SLC4A2: variants seen among roughly 807,000 people sequenced by gnomAD.
SLC4A2 encodes anion exchange protein 2.
A neutral mutation model predicts 115.0 loss-of-function variants in SLC4A2; 36 were observed. The ratio of observed to expected loss-of-function variants is 0.31; its 90% CI spans 0.24 to 0.41. SLC4A2 has a LOEUF of 0.41. SLC4A2 is among the 10% of genes least tolerant of loss of function. SLC4A2 has a pLI of 1.00. For synonymous variants in SLC4A2, 708 were observed against 708.3 expected (o/e 1.00, Z 0.01); for missense variants, 1,252 against 1,705.6 (o/e 0.73, Z 4.68).
rs2150364022 is a variant in SLC4A2 at position 151,060,104 on chromosome 7, C to T, written c.-64+342C>T. On this transcript the variant is annotated intron_variant, in intron 1 of 22. Coordinates refer to ENST00000413384, the MANE Select transcript of SLC4A2 (RefSeq NM_003040.4). The surrounding 1 kb of genome is among the most constrained non-coding windows in gnomAD (Gnocchi z 5.9). ...CTCCCCTCCGGCCCCCCCGCATAGT[C>T]CTTCAGTCCCGTCCGGGGCGCCCAG... The T allele has an allele frequency of 6.6e-6, 1 of 152,306 alleles. No individual in the cohort carries two copies. Among genetic ancestry groups the T allele is most frequent in the South Asian group, 2.1e-4 (1 of 4,826 alleles). 9.4% of individuals were successfully genotyped at this position (152,306 alleles called of 1,614,324 possible).
chr7:151,067,802 C>G, intron 7 of SLC4A2, 72 bp from the exon 8 acceptor site: 1 of 1,374,440 alleles, frequency 7.3e-7, no homozygotes, highest in Non-Finnish European at 1.0e-6. Context: ...TCTGACACCA[C>G]TCACCTCTGA....
chr7:151,066,548 G>A lies in SLC4A2; in HGVS notation c.610G>A (p.Val204Met). 1 of 1,537,282 alleles carries A rather than the reference G, an allele frequency of 6.5e-7. No homozygotes were observed. The highest frequency in any genetic ancestry group is 8.8e-7 in the Non-Finnish European group (1 of 1,141,828). ...GGTGGAGGAGGCGGAGGCGGAGGCG[G>A]TGGCGGTGGCCAGTGGCACTGCAGG... ...TQVEEAEAEA[V>M]AVASGTAGGD... is the part of the protein sequence containing the mutation. Residue 204 changes from valine to methionine, a missense_variant, in exon 6 of 23, where the codon GTG becomes ATG. By Grantham distance (21) the Val-to-Met change is conservative. This residue lies in a region of SLC4A2 where 215 missense variants were observed against 205.2 expected (regional missense o/e 1.05). Transcript: ENST00000413384.
chr7:151,062,668 G>C (rs1279008822), intron 2 of SLC4A2: 1 of 1,519,264 alleles, frequency 6.6e-7, no homozygotes, highest in Non-Finnish European at 8.8e-7. Flanking sequence ...CCTCAGGTGC[G>C]AGGGGTCTGC....
At chr7:151,065,574 T>A (rs547496811) in intron 5 of SLC4A2, among the ~76,000 whole-genome samples, 1 of 152,256 alleles carries the variant, frequency 6.6e-6, no homozygotes, top group South Asian at 2.1e-4. Flanking sequence ...GGTCTCAAGG[T>A]CACTACTATC....
In SLC4A2 at chr7:151,074,753, A is replaced by G; in HGVS notation, c.2959A>G (p.Ser987Gly). The G allele has an allele frequency of 1.2e-6, 2 of 1,613,444 alleles. No individual in the cohort carries two copies. The highest frequency in any genetic ancestry group is 1.7e-6 in the Non-Finnish European group (2 of 1,179,830). Reference sequence around the variant, plus strand: ...GGTCATCAACCCCCTGGGAGAGAAGAGCCCCTTCCCTGTGTGGATGATGGT... The same window carrying G: ...GGTCATCAACCCCCTGGGAGAGAAGGGCCCCTTCCCTGTGTGGATGATGGT... ...GWVINPLGEK[S>G]PFPVWMMVAS... The change falls in exon 19 of 23, where the codon AGC (serine) becomes GGC (glycine). Residue 987 changes from serine to glycine, a missense_variant. Ser to Gly is a moderately conservative substitution (Grantham distance 56). This residue lies in a region of SLC4A2 where 253 missense variants were observed against 407.4 expected (regional missense o/e 0.62). Coordinates refer to ENST00000413384, the MANE Select transcript of SLC4A2 (RefSeq NM_003040.4).
At chr7:151,063,205 G>C (rs1563339974) in intron 2 of SLC4A2, 6 of 1,384,720 alleles carry the variant, frequency 4.3e-6, no homozygotes, top group Non-Finnish European at 4.7e-6. Flanking sequence ...GGCTGTGGGG[G>C]TGGGGTGAGG....
At chr7:151,073,947 C>G (rs1267020994) in intron 16 of SLC4A2, 92 bp from the exon 17 acceptor site, 2 of 1,376,766 alleles carry the variant, frequency 1.5e-6, no homozygotes, top group Admixed American at 2.3e-5. Flanking sequence ...CAGCCTTTCC[C>G]CTGCCCCACC....
intron 2 of SLC4A2, chr7:151,062,964 G>C (rs1797102764): frequency 7.1e-7 from 1 of 1,408,700 alleles, no homozygotes; most frequent in African/African-American, 1.5e-5. Flanking sequence ...CGCTATGGAG[G>C]GGGCTGCATA....
At chr7:151,066,097 TGCCAGGGG>T (rs1563345484) in intron 5 of SLC4A2, among the ~76,000 whole-genome samples, 2 of 152,130 alleles carry the variant, frequency 1.3e-5, no homozygotes, top group African/African-American at 4.8e-5. Context: ...TCTAGGGATG[TGCCAGGGG>T]GTGAGGGGGC....
rs1169472344 is a variant in SLC4A2, at chr7:151,070,734, G to A, written c.1572G>A (p.Val524=). 1.2e-6 allele frequency: 2 copies of A among 1,613,432 alleles called. No homozygotes were observed. The highest frequency in any genetic ancestry group is 4.5e-5 in the East Asian group (2 of 44,878). ...ATGGTCCCACGCCCCTAGGCTGCGT[G>A]GAGTTCCTCTCCCGCCCCACCATGG... is the stretch of plus-strand genomic sequence containing the variant. ...AEATVVLVGC[V]EFLSRPTMAF... Residue 524 remains valine (V), a synonymous_variant, in exon 12 of 23, where the codon GTG becomes GTA. Coordinates refer to ENST00000413384, the MANE Select transcript of SLC4A2 (RefSeq NM_003040.4).
chr7:151,069,767 A>G (rs1015168266), intron 8 of SLC4A2, among the ~76,000 whole-genome samples, 180 bp from the exon 9 acceptor site: 4 of 151,920 alleles, frequency 2.6e-5, no homozygotes, highest in Admixed American at 6.6e-5. Context: ...GAGGAACCAG[A>G]GGGTTGATGT....
intron 5 of SLC4A2, among the ~76,000 whole-genome samples, chr7:151,065,616 C>G (rs890180650): frequency 2.6e-5 from 4 of 152,156 alleles, no homozygotes; most frequent in Non-Finnish European, 4.4e-5. Flanking sequence ...TGCCAGGCAG[C>G]GTGAAGGGCT....
chr7:151,067,014 C>T, intron 7 of SLC4A2, 21 bp downstream of exon 7: 2 of 1,563,112 alleles, frequency 1.3e-6, no homozygotes, highest in South Asian at 1.2e-5. Flanking sequence ...CTGCTTCATG[C>T]TCTTCCATCA....
At chr7:151,065,275 C>G (rs967237844) in intron 5 of SLC4A2, among the ~76,000 whole-genome samples, 9 of 152,182 alleles carry the variant, frequency 5.9e-5, no homozygotes, top group African/African-American at 2.2e-4. Context: ...CACCCCTGCC[C>G]GTCTCCCACC....
chr7:151,064,389 G>A (rs748170633), intron 3 of SLC4A2, 22 bp downstream of exon 3: 15 of 1,536,836 alleles, frequency 9.8e-6, no homozygotes, highest in Non-Finnish European at 1.3e-5. Flanking sequence ...GGCAGGGGAG[G>A]GGGAGGTGGG....
chr7:151,062,955 G>A, intron 2 of SLC4A2: 1 of 1,404,958 alleles, frequency 7.1e-7, no homozygotes, highest in Non-Finnish European at 9.2e-7. Context: ...TGCTGGCACC[G>A]CTATGGAGGG....
intron 8 of SLC4A2, among the ~76,000 whole-genome samples, chr7:151,068,749 G>A (rs988530498): frequency 1.3e-5 from 2 of 151,740 alleles, no homozygotes; most frequent in African/African-American, 2.4e-5. Flanking sequence ...CAAACTCCTG[G>A]GCTCAAGTGA....
At chr7:151,072,789 G>A (rs1797484976) in intron 16 of SLC4A2, among the ~76,000 whole-genome samples, 1 of 151,776 alleles carries the variant, frequency 6.6e-6, no homozygotes, top group South Asian at 2.1e-4. Flanking sequence ...CTCCCAAGTA[G>A]CTGGGATTAC....
chr7:151,067,082 G>A (rs1797261861), intron 7 of SLC4A2, 89 bp downstream of exon 7: 1 of 1,331,540 alleles, frequency 7.5e-7, no homozygotes, highest in Non-Finnish European at 1.0e-6. Flanking sequence ...AAGCCTCAGG[G>A]TTGCCACTGT....
Sources: gnomAD v4.1 joint callset for allele counts (sites outside exome capture counted in the v4.1 genomes callset) on GRCh38, gnomAD v4.1.1 for gene constraint, gnomAD v4.1.1 regional missense constraint, Gnocchi (gnomAD v3.1) non-coding constraint, MANE v1.5 for transcripts, NCBI Gene and HGNC (gene_info 2026-07-23, HGNC 2026-07-21) for gene names.